NOL4: variants seen among roughly 807,000 people sequenced by gnomAD.
NOL4 encodes the protein cancer/testis antigen 125.
In NOL4, 17 loss-of-function variants were observed where a neutral mutation model predicts 75.9. The observed-to-expected ratio is 0.22, with a 90% CI of 0.15 to 0.34. NOL4 has a LOEUF of 0.34. Ranked by LOEUF, NOL4 falls within the 10% of genes least tolerant of loss-of-function variation. The pLI is 1.00. For missense variants in NOL4, 614 were observed against 793.5 expected (o/e 0.77, Z 2.72); for synonymous variants, 292 against 289.9 (o/e 1.01, Z -0.07).
At chr18:33,957,207 T>C (rs1357128472) in intron 8 of NOL4, 119 bp downstream of exon 8, 1 of 769,740 alleles carries the variant, frequency 1.3e-6, no homozygotes, top group Non-Finnish European at 2.0e-6. Flanking sequence ...CAAAACCCCC[T>C]TTGACCTGAC....
rs1333222707 is a variant in NOL4 at position 34,046,456 on chromosome 18, AAAGACATAAGCACAG to A, written c.773-26870_773-26856del. ...TAGGTCAGCCACCACTATATTTTCAAAAGACATAAGCACAGAAGACAGGGAATGGAGAATTCTAAG... is the reference window on the plus strand; with the variant it reads ...TAGGTCAGCCACCACTATATTTTCAAAAGACAGGGAATGGAGAATTCTAAG... On this transcript the variant is annotated intron_variant, in intron 5 of 10. Coordinates refer to ENST00000261592, the MANE Select transcript of NOL4 (RefSeq NM_003787.5). 1.3e-4 allele frequency among the ~76,000 whole-genome samples: 19 copies of A among 151,880 alleles called. 1 individual carries two copies. In the East Asian group the frequency reaches 3.7e-3, roughly 30 times the overall value.
chr18:34,222,057 G>A (rs1203215745), intron 1 of NOL4: 2 of 1,535,412 alleles, frequency 1.3e-6, no homozygotes, highest in Non-Finnish European at 1.7e-6. Flanking sequence ...CATCAGATCT[G>A]CCATCCTACT....
rs540625771 is a variant in NOL4, at chr18:34,023,370, C to T, written c.773-3769G>A. The T allele has an allele frequency of 7.4e-4, 337 of 453,350 alleles. 3 individuals are homozygous for T. Among genetic ancestry groups the T allele is most frequent in the South Asian group, 5.1e-3 (328 of 64,402 alleles). The allele number at this position is 453,350 out of a possible 1,614,324, so 28.1% of individuals were successfully genotyped here. A position where few individuals can be genotyped will look rare whatever the true frequency, so the allele number is the denominator to read the frequency against. On this transcript the variant is annotated intron_variant, in intron 5 of 10. Coordinates refer to ENST00000261592, the MANE Select transcript of NOL4 (RefSeq NM_003787.5). ...AAGATACTTTTTAAGAATTTAAAAT[C>T]GCGGATCTCAGACTCCTGTAACCAA...
chr18:33,866,817 C>T (rs574322436), intron 10 of NOL4, among the ~76,000 whole-genome samples: 74 of 152,096 alleles, frequency 4.9e-4, no homozygotes, highest in Non-Finnish European at 8.2e-4. Context: ...AAACATACTA[C>T]ATAATGGCAT....
intron 5 of NOL4, among the ~76,000 whole-genome samples, chr18:34,080,042 T>C (rs1051494825): frequency 1.3e-5 from 2 of 152,186 alleles, no homozygotes; most frequent in Non-Finnish European, 2.9e-5. Flanking sequence ...GCATACCTAA[T>C]ACCAAAATAT....
chr18:34,222,814 G>C (rs1189485896), intron 1 of NOL4, among the ~76,000 whole-genome samples, 176 bp downstream of exon 1: 1 of 152,206 alleles, frequency 6.6e-6, no homozygotes, highest in Non-Finnish European at 1.5e-5. Flanking sequence ...CTGTACAGTG[G>C]GGAAAACGCG....
chr18:34,079,054 G>A (rs1438849924), intron 5 of NOL4, among the ~76,000 whole-genome samples: 1 of 152,006 alleles, frequency 6.6e-6, no homozygotes, highest in Non-Finnish European at 1.5e-5. Flanking sequence ...GAAGGAAACC[G>A]GGGCCAAATG....
chr18:34,193,400 A>G (rs1224218794), intron 1 of NOL4, among the ~76,000 whole-genome samples: 2 of 152,180 alleles, frequency 1.3e-5, no homozygotes, highest in African/African-American at 4.8e-5. Context: ...AAGGAACTCA[A>G]CTCAATAGCA....
chr18:33,961,848 TAGA>T (rs1322219146), intron 6 of NOL4, among the ~76,000 whole-genome samples: 5 of 152,072 alleles, frequency 3.3e-5, no homozygotes, highest in Non-Finnish European at 1.5e-5. Flanking sequence ...ATTGCCAAAG[TAGA>T]AGGAGAAAGG....
chr18:34,218,365 A>G (rs2146620345), intron 1 of NOL4, among the ~76,000 whole-genome samples: 1 of 152,332 alleles, frequency 6.6e-6, no homozygotes, highest in Non-Finnish European at 1.5e-5. Flanking sequence ...TATTGTGGCT[A>G]CTAATAGGAC....
chr18:34,131,992 A>G (rs1244645736), intron 1 of NOL4, among the ~76,000 whole-genome samples: 2 of 152,214 alleles, frequency 1.3e-5, no homozygotes, highest in African/African-American at 4.8e-5. Flanking sequence ...TTATTTTCTC[A>G]TAATCCTGGA....
At chr18:33,991,227 C>A (rs183725470) in intron 6 of NOL4, among the ~76,000 whole-genome samples, 6 of 152,070 alleles carry the variant, frequency 3.9e-5, no homozygotes, top group Non-Finnish European at 8.8e-5. Context: ...GACTCTACCA[C>A]CCATTGAACC....
chr18:34,178,401 T>C (rs1189803657), intron 1 of NOL4, among the ~76,000 whole-genome samples: 1 of 151,628 alleles, frequency 6.6e-6, no homozygotes, highest in Non-Finnish European at 1.5e-5. Flanking sequence ...GTATCAGTAA[T>C]GATATTAATT....
chr18:34,188,200 A>G (rs1297026726), intron 1 of NOL4, among the ~76,000 whole-genome samples: 1 of 152,162 alleles, frequency 6.6e-6, no homozygotes, highest in African/African-American at 2.4e-5. Context: ...CCTCATATAT[A>G]CTTGCCACTA....
chr18:33,961,340 G>C (rs2070111789), intron 6 of NOL4, among the ~76,000 whole-genome samples: 1 of 151,988 alleles, frequency 6.6e-6, no homozygotes, highest in African/African-American at 2.4e-5. Flanking sequence ...GAGGGCCTAA[G>C]GGCATAATCC....
chr18:34,085,460 G>A (rs2078202044), intron 5 of NOL4, among the ~76,000 whole-genome samples: 1 of 152,126 alleles, frequency 6.6e-6, no homozygotes, highest in African/African-American at 2.4e-5. Flanking sequence ...GTCCTTCACT[G>A]ATCAGATTAG....
At chr18:34,019,874 G>A (rs1448451038) in intron 5 of NOL4, among the ~76,000 whole-genome samples, 1 of 151,698 alleles carries the variant, frequency 6.6e-6, no homozygotes, top group Admixed American at 6.6e-5. Flanking sequence ...TGGGTCATGA[G>A]GGTGGATTTT....
rs1049644074 is a variant in NOL4, at chr18:33,932,753, G to A, written c.1542+10312C>T. 4.6e-5 allele frequency among the ~76,000 whole-genome samples: 7 copies of A among 151,990 alleles called. No homozygotes were observed. In the East Asian group the frequency reaches 1.2e-3, roughly 25 times the overall value. On this transcript the variant is annotated intron_variant, in intron 9 of 10. Coordinates refer to ENST00000261592, the MANE Select transcript of NOL4 (RefSeq NM_003787.5). ...AAAGTCATGAGGATTGGATCAAAATGGGGCCCCATCCTGAGCAATTCTGTG... is the reference window on the plus strand; with the variant it reads ...AAAGTCATGAGGATTGGATCAAAATAGGGCCCCATCCTGAGCAATTCTGTG...
chr18:33,904,528 G>T (rs1053963754), intron 9 of NOL4, among the ~76,000 whole-genome samples: 16 of 152,108 alleles, frequency 1.1e-4, no homozygotes, highest in Admixed American at 2.0e-4. Flanking sequence ...ATGACCATTA[G>T]ACTAACAGAA....
Sources: gnomAD v4.1 joint callset for allele counts (sites outside exome capture counted in the v4.1 genomes callset) on GRCh38, gnomAD v4.1.1 for gene constraint, MANE v1.5 for transcripts, NCBI Gene and HGNC (gene_info 2026-07-23, HGNC 2026-07-21) for gene names.